Variants in CTNNA3 observed in about 807,000 individuals in gnomAD.
CTNNA3 encodes catenin alpha 3.
In CTNNA3, 76 loss-of-function variants were observed where a neutral mutation model predicts 95.7. The observed-to-expected ratio is 0.79, with a 90% CI of 0.66 to 0.96. The LOEUF is 0.96. CTNNA3 is among the 40% of genes least tolerant of loss of function. The probability of loss-of-function intolerance (pLI) is 0.00; values close to 1 mark genes in which losing one functional copy is unlikely to be tolerated. For synonymous variants in CTNNA3, 431 were observed against 374.4 expected, an observed-to-expected ratio of 1.15 and a Z score of -1.74; for missense variants, 1,191 against 1,089.8, an observed-to-expected ratio of 1.09 and a Z score of -1.31.
intron 13 of CTNNA3, among the ~76,000 whole-genome samples, chr10:66,268,795 T>C (rs564163149): frequency 6.6e-6 from 1 of 152,272 alleles, no homozygotes; most frequent in Middle Eastern, 3.4e-3. Context: ...TGCATTGAGG[T>C]CTGGCCACCA....
intron 7 of CTNNA3, among the ~76,000 whole-genome samples, chr10:67,071,333 T>TG (rs1463856506): frequency 2.0e-5 from 3 of 150,950 alleles, no homozygotes; most frequent in African/African-American, 7.3e-5. Flanking sequence ...ATTTTGGGTT[T>TG]TTTTTTTTTT....
At chr10:67,115,411 C>T (rs1473211113) in intron 7 of CTNNA3, among the ~76,000 whole-genome samples, 1 of 151,780 alleles carries the variant, frequency 6.6e-6, no homozygotes, top group East Asian at 1.9e-4. Context: ...ATGGGTGCAG[C>T]ACACCAGCAT....
rs58469434 is a variant in CTNNA3, at chr10:67,331,050, A to AT, written c.580-111181dup. Among the ~76,000 whole-genome samples the AT allele has an allele frequency of 2.3e-3, 354 of 152,282 alleles. 1 individual carries two copies. The highest frequency in any genetic ancestry group is 8.0e-3 in the African/African-American group (334 of 41,574). On this transcript the variant is annotated intron_variant, in intron 5 of 17. Transcript: ENST00000433211. ...AGGTTTAGGGGGAAATTTTCTGGGT[A>AT]TTTTTTTCCCACACACATTCAAAAT...
chr10:67,075,386 C>A (rs566832030), intron 7 of CTNNA3, among the ~76,000 whole-genome samples: 1 of 152,044 alleles, frequency 6.6e-6, no homozygotes, highest in African/African-American at 2.4e-5. Context: ...GAGAGAGATG[C>A]CAGTTTTACT....
At chr10:66,913,238 C>CA (rs1161880781) in intron 7 of CTNNA3, among the ~76,000 whole-genome samples, 13,692 of 33,470 alleles carry the variant, frequency 0.41, 4,753 homozygotes, top group Non-Finnish European at 0.5. Context: ...GACTCCGTCT[C>CA]AAAAAAAAAA....
intron 14 of CTNNA3, among the ~76,000 whole-genome samples, chr10:66,075,647 T>C (rs2080536212): frequency 6.6e-6 from 1 of 151,810 alleles, no homozygotes; most frequent in Non-Finnish European, 1.5e-5. Flanking sequence ...CCATAAGCAA[T>C]AAATGCCATA....
At chr10:66,296,131 T>G (rs901700409) in intron 12 of CTNNA3, among the ~76,000 whole-genome samples, 5 of 152,192 alleles carry the variant, frequency 3.3e-5, no homozygotes, top group Non-Finnish European at 5.9e-5. Context: ...CACATAATTC[T>G]GGATAAATTC....
chr10:66,278,262 T>C (rs545326604), intron 13 of CTNNA3, among the ~76,000 whole-genome samples: 1 of 151,000 alleles, frequency 6.6e-6, no homozygotes, highest in African/African-American at 2.4e-5. Flanking sequence ...TATAGGCTAA[T>C]AGCAGTTGGC....
chr10:66,959,083 T>C (rs1348591036), intron 7 of CTNNA3, among the ~76,000 whole-genome samples: 1 of 152,140 alleles, frequency 6.6e-6, no homozygotes, highest in African/African-American at 2.4e-5. Flanking sequence ...ACAGGGTAGA[T>C]GTTGAAAAAA....
At chr10:66,095,431 T>C (rs2081353857) in intron 14 of CTNNA3, among the ~76,000 whole-genome samples, 1 of 152,094 alleles carries the variant, frequency 6.6e-6, no homozygotes, top group Non-Finnish European at 1.5e-5. Context: ...TGATTAAAAC[T>C]GTTTTTTATA....
intron 15 of CTNNA3, among the ~76,000 whole-genome samples, chr10:66,057,703 C>T (rs1317325068): frequency 6.6e-6 from 1 of 152,016 alleles, no homozygotes; most frequent in East Asian, 1.9e-4. Context: ...AACACACTAT[C>T]CAATAGGAAA....
At chr10:66,228,936 A>G (rs954423300) in intron 13 of CTNNA3, among the ~76,000 whole-genome samples, 1 of 152,092 alleles carries the variant, frequency 6.6e-6, no homozygotes, top group African/African-American at 2.4e-5. Context: ...ATTTTATCTG[A>G]TATAAGTATA....
intron 9 of CTNNA3, among the ~76,000 whole-genome samples, chr10:66,748,241 TTGTGTGTCTC>T (rs1838969229): frequency 6.6e-6 from 1 of 152,208 alleles, no homozygotes; most frequent in Admixed American, 6.5e-5. Flanking sequence ...TGAGATCCAT[TTGTGTGTCTC>T]TGTGTTGAAA....
chr10:66,297,577 T>G (rs185222818), intron 12 of CTNNA3, among the ~76,000 whole-genome samples: 69 of 152,254 alleles, frequency 4.5e-4, no homozygotes, highest in African/African-American at 1.6e-3. Context: ...TATCCTACAT[T>G]TATAGAGTCT....
chr10:66,571,470 G>C (rs1294407531), intron 10 of CTNNA3, among the ~76,000 whole-genome samples: 1 of 152,154 alleles, frequency 6.6e-6, no homozygotes, highest in East Asian at 1.9e-4. Context: ...TGAGGAAATT[G>C]GCTTAGAAGA....
At chr10:66,801,123 G>A (rs934445692) in intron 7 of CTNNA3, among the ~76,000 whole-genome samples, 4 of 151,278 alleles carry the variant, frequency 2.6e-5, no homozygotes, top group Non-Finnish European at 5.9e-5. Context: ...ATAATAAGCT[G>A]GAGGTCTTAG....
intron 5 of CTNNA3, among the ~76,000 whole-genome samples, chr10:67,256,985 C>A (rs1227228072): frequency 6.6e-6 from 1 of 152,076 alleles, no homozygotes; most frequent in Non-Finnish European, 1.5e-5. Flanking sequence ...TAAAAAAATG[C>A]ATCTTTGCTA....
At chr10:66,928,630 C>T (rs1847207204) in intron 7 of CTNNA3, among the ~76,000 whole-genome samples, 1 of 152,086 alleles carries the variant, frequency 6.6e-6, no homozygotes. Flanking sequence ...GGTCATTTTC[C>T]TCTCATACAT....
chr10:67,279,665 G>C (rs1325643728), intron 5 of CTNNA3, among the ~76,000 whole-genome samples: 1 of 150,458 alleles, frequency 6.6e-6, no homozygotes, highest in African/African-American at 2.5e-5. Flanking sequence ...GGAACAAAAG[G>C]AAAGGCGGCT....
Sources: gnomAD v4.1 joint callset for allele counts (sites outside exome capture counted in the v4.1 genomes callset) on GRCh38, gnomAD v4.1.1 for gene constraint, MANE v1.5 for transcripts, NCBI Gene and HGNC (gene_info 2026-07-23, HGNC 2026-07-21) for gene names.